The following LANCL3 variants were observed in gnomAD, a reference collection of about 807,000 sequenced individuals.
LANCL3 encodes the protein LanC like family member 3.
In LANCL3, 19 loss-of-function variants were observed where a neutral mutation model predicts 26.5. That is an observed-to-expected ratio of 0.72 (90% CI 0.50 to 1.05). The LOEUF (loss-of-function observed/expected upper bound fraction) is 1.05, where lower values mean the gene tolerates loss of function less well. Among genes scored for constraint, LANCL3 ranks in the 50% least tolerant of loss-of-function variants. The pLI, the probability that LANCL3 is intolerant of heterozygous loss-of-function variation, is 0.00. For synonymous variants in LANCL3, 160 were observed against 166.6 expected, an observed-to-expected ratio of 0.96 and a Z score of 0.30; for missense variants, 318 against 362.7, an observed-to-expected ratio of 0.88 and a Z score of 1.00.
intron 1 of LANCL3, among the ~76,000 whole-genome samples, chrX:37,605,312 CTATTA>C (rs1431575270): frequency 1.8e-5 from 2 of 111,829 alleles, no homozygotes; most frequent in Non-Finnish European, 3.8e-5. Flanking sequence ...CATTATTAAG[CTATTA>C]TATTGTTGCT....
At chrX:37,583,593 T>G (rs1327457200) in intron 1 of LANCL3, among the ~76,000 whole-genome samples, 9 of 111,655 alleles carry the variant, frequency 8.1e-5, no homozygotes, top group African/African-American at 2.9e-4. Context: ...TGAATGGGAG[T>G]TCACTCATGA....
At chrX:37,618,403 T>G (rs782405551) in intron 1 of LANCL3, among the ~76,000 whole-genome samples, 9 of 112,034 alleles carry the variant, frequency 8.0e-5, no homozygotes, top group Admixed American at 1.9e-4. Flanking sequence ...CTTCACTTCC[T>G]GCCCTTACAA....
rs782003605 is a variant in LANCL3, at chrX:37,572,089, G to A, written c.219G>A (p.Ala73=). The change falls in exon 1 of 5, where the codon GCG becomes GCA. Residue 73 remains alanine (A), a synonymous_variant. Coordinates refer to ENST00000378619, the MANE Select transcript of LANCL3 (RefSeq NM_001170331.2). ...GGLYGGVAGV[A]YMLYHVSQSP... is the part of the protein sequence containing the mutation. Reference sequence around the variant, plus strand: ...TTTATGGCGGCGTGGCCGGAGTGGCGTATATGCTCTACCACGTCTCGCAGA... The same window carrying A: ...TTTATGGCGGCGTGGCCGGAGTGGCATATATGCTCTACCACGTCTCGCAGA... 38 of 1,183,807 alleles carry A rather than the reference G, an allele frequency of 3.2e-5. No individual in the cohort carries two copies. In the African/African-American group the frequency reaches 6.7e-4, roughly 21 times the overall value.
At chrX:37,653,255 G>A (rs1159916030) in intron 1 of LANCL3, among the ~76,000 whole-genome samples, 2 of 110,941 alleles carry the variant, frequency 1.8e-5, no homozygotes, top group East Asian at 5.6e-4. Flanking sequence ...TTTTTTCTGG[G>A]TTAAAAATAA....
chrX:37,580,637 T>C (rs1208731730), intron 1 of LANCL3, among the ~76,000 whole-genome samples: 1 of 111,141 alleles, frequency 9.0e-6, no homozygotes, highest in Non-Finnish European at 1.9e-5. Context: ...CAGAAGATCA[T>C]CATAACTTAT....
chrX:37,654,952 A>G (rs1167297996), intron 1 of LANCL3, among the ~76,000 whole-genome samples: 1 of 112,535 alleles, frequency 8.9e-6, no homozygotes, highest in Non-Finnish European at 1.9e-5. Flanking sequence ...GAAGGGCAGG[A>G]TGCAAAACAT....
intron 1 of LANCL3, among the ~76,000 whole-genome samples, chrX:37,631,906 T>C (rs1251679299): frequency 9.0e-6 from 1 of 110,504 alleles, no homozygotes; most frequent in African/African-American, 3.3e-5. Flanking sequence ...TGTGGTGTGG[T>C]GCTGAAAAAA....
At chrX:37,617,131 G>GGA (rs1367390286) in intron 1 of LANCL3, among the ~76,000 whole-genome samples, 6 of 104,102 alleles carry the variant, frequency 5.8e-5, no homozygotes, top group Admixed American at 1.0e-4. Context: ...TGGGGGGGAG[G>GGA]GAGAGAGAGA....
intron 2 of LANCL3, among the ~76,000 whole-genome samples, chrX:37,656,690 A>G (rs1251175356): frequency 8.9e-6 from 1 of 112,588 alleles, no homozygotes; most frequent in Non-Finnish European, 1.9e-5. Context: ...CACTGTAATT[A>G]GTGGCTTACC....
Position 37,614,259 on chromosome X carries a change from C to T in LANCL3, c.574-41429C>T, listed in dbSNP as rs1232108429. Among the ~76,000 whole-genome samples the T allele has an allele frequency of 4.5e-5, 5 of 111,251 alleles. No homozygotes were observed. The Admixed American group carries it at 4.8e-4, about 11-fold the overall frequency. On this transcript the variant is annotated intron_variant, in intron 1 of 4. Transcript: ENST00000378619. ...CTGCACATTATAATCACTTGGGGAA[C>T]GTAAAAAAAATACCCATGCCTGGGC...
chrX:37,683,288 T>C lies in LANCL3; in HGVS notation c.*7475T>C, dbSNP rs781829130. ...AAATACTCTGTCAATATAGTATAAC[T>C]GCTTATTTCAAATTGTATCTAGGAA... On this transcript the variant is annotated 3_prime_UTR_variant, in exon 5 of 5. Coordinates refer to ENST00000378619, the MANE Select transcript of LANCL3 (RefSeq NM_001170331.2). The C allele has an allele frequency of 2.7e-5, 3 of 112,134 alleles. No homozygotes were observed. The highest frequency in any genetic ancestry group is 9.7e-5 in the African/African-American group (3 of 30,964). The allele number at this position is 112,134 out of a possible 1,213,427, so 9.2% of individuals were successfully genotyped here. A position where few individuals can be genotyped will look rare whatever the true frequency, so the allele number is the denominator to read the frequency against.
At chrX:37,604,990 T>G (rs1319472759) in intron 1 of LANCL3, among the ~76,000 whole-genome samples, 1 of 112,376 alleles carries the variant, frequency 8.9e-6, no homozygotes, top group Admixed American at 9.4e-5. Flanking sequence ...TGTGTGTTCT[T>G]GGTTTCTACA....
chrX:37,587,767 G>T (rs1556418300), intron 1 of LANCL3, among the ~76,000 whole-genome samples: 1 of 112,246 alleles, frequency 8.9e-6, no homozygotes, highest in Non-Finnish European at 1.9e-5. Context: ...GCCTCACCCT[G>T]CTTTGGCTCA....
At chrX:37,617,116 G>A (rs1263606415) in intron 1 of LANCL3, among the ~76,000 whole-genome samples, 1 of 105,470 alleles carries the variant, frequency 9.5e-6, no homozygotes, top group African/African-American at 3.5e-5. Flanking sequence ...ACAAGGAAAA[G>A]TGGGTGGGGG....
chrX:37,598,418 A>G (rs1924494659), intron 1 of LANCL3, among the ~76,000 whole-genome samples: 1 of 111,928 alleles, frequency 8.9e-6, no homozygotes, highest in South Asian at 3.8e-4. Flanking sequence ...TCTTCAGGTA[A>G]TTCCAGTGTG....
intron 4 of LANCL3, among the ~76,000 whole-genome samples, chrX:37,669,031 G>A (rs1226042884): frequency 1.8e-5 from 2 of 111,849 alleles, no homozygotes; most frequent in Non-Finnish European, 3.8e-5. Context: ...TAACTGCAAT[G>A]TAAATGTTCA....
intron 1 of LANCL3, among the ~76,000 whole-genome samples, chrX:37,630,277 T>G (rs1336163451): frequency 8.9e-6 from 1 of 111,864 alleles, no homozygotes; most frequent in Non-Finnish European, 1.9e-5. Flanking sequence ...ATAAGAATGC[T>G]TGTGGTATTT....
At position 37,674,935 on chromosome X, in the gene LANCL3, T is replaced by C. The variant is rs142402508; in HGVS notation, c.1104-719T>C. ...AAAGATGATGTAGGTAATGGCACTT[T>C]GGAAGCTGTAAACTACTGTAAAAAT... is the stretch of plus-strand genomic sequence containing the variant. On this transcript the variant is annotated intron_variant, in intron 4 of 4. Coordinates refer to ENST00000378619, the MANE Select transcript of LANCL3 (RefSeq NM_001170331.2). 7.1e-3 allele frequency among the ~76,000 whole-genome samples: 798 copies of C among 111,717 alleles called. 3 individuals are homozygous for C. Among genetic ancestry groups the C allele is most frequent in the Middle Eastern group, 0.037 (8 of 218 alleles).
At chrX:37,587,815 T>C (rs1157816180) in intron 1 of LANCL3, among the ~76,000 whole-genome samples, 1 of 112,070 alleles carries the variant, frequency 8.9e-6, no homozygotes, top group Non-Finnish European at 1.9e-5. Context: ...GCACCCACTT[T>C]CTGACAAGCC....
Sources: allele counts gnomAD v4.1 joint callset (sites outside exome capture counted in the v4.1 genomes callset), GRCh38; gene constraint gnomAD v4.1.1; transcripts MANE v1.5; gene names NCBI Gene and HGNC (gene_info 2026-07-23, HGNC 2026-07-21).